Variants in BCAP31 observed in about 807,000 individuals in gnomAD.
BCAP31 encodes the protein B-cell receptor-associated protein 31.
For missense variants in BCAP31, 124 were observed against 193.0 expected (o/e 0.64, Z 2.12); for synonymous variants, 75 against 80.9 (o/e 0.93, Z 0.39).
intron 4 of BCAP31, among the ~76,000 whole-genome samples, chrX:153,713,881 CTT>C (rs1209475410): frequency 7.9e-5 from 5 of 63,499 alleles, no homozygotes; most frequent in Non-Finnish European, 8.3e-5. Context: ...CGATACTATT[CTT>C]TTTTTTTTTT....
intron 2 of BCAP31, among the ~76,000 whole-genome samples, chrX:153,721,736 A>G (rs782130619): frequency 9.3e-6 from 1 of 107,520 alleles, no homozygotes; most frequent in South Asian, 4.1e-4. Context: ...AAAAATATAT[A>G]TATAAAAAAA....
chrX:153,723,514 C>A, intron 1 of BCAP31: 1 of 1,162,159 alleles, frequency 8.6e-7, no homozygotes. Context: ...TTACCTGCCC[C>A]CTCCAGCACG....
chrX:153,710,405 C>A (rs1378102604), intron 4 of BCAP31, among the ~76,000 whole-genome samples: 3 of 111,773 alleles, frequency 2.7e-5, no homozygotes, highest in Admixed American at 9.5e-5. Context: ...CTGAAGACTT[C>A]TGGAGGTTGG....
At chrX:153,702,570 T>A (rs1407388371) in intron 6 of BCAP31, 3 of 182,307 alleles carry the variant, frequency 1.6e-5, no homozygotes, top group Non-Finnish European at 3.0e-5. Context: ...AGCCGCCCAC[T>A]CCCCTCCTGA....
At chrX:153,717,039 C>T (rs563668187) in intron 3 of BCAP31, among the ~76,000 whole-genome samples, 2 of 112,414 alleles carry the variant, frequency 1.8e-5, no homozygotes, top group African/African-American at 6.5e-5. Context: ...TACACTGTTA[C>T]CTGCTTCGTA....
chrX:153,707,697 G>A (rs1557048522), intron 4 of BCAP31, among the ~76,000 whole-genome samples: 1 of 112,504 alleles, frequency 8.9e-6, no homozygotes, highest in African/African-American at 3.2e-5. Flanking sequence ...GCGACCTGAA[G>A]GCACAACCCA....
At chrX:153,708,406 A>T (rs782099648) in intron 4 of BCAP31, among the ~76,000 whole-genome samples, 110 of 112,279 alleles carry the variant, frequency 9.8e-4, no homozygotes, top group Non-Finnish European at 1.8e-3. Context: ...CGACCAAAAG[A>T]TTCCATGCTG....
At chrX:153,709,011 G>A (rs868922784) in intron 4 of BCAP31, among the ~76,000 whole-genome samples, 1 of 112,049 alleles carries the variant, frequency 8.9e-6, no homozygotes, top group African/African-American at 3.2e-5. Flanking sequence ...TGCACTAAGC[G>A]CAGGGCAAAG....
chrX:153,714,661 G>C (rs1557049756), intron 4 of BCAP31, among the ~76,000 whole-genome samples: 1 of 110,873 alleles, frequency 9.0e-6, no homozygotes, highest in East Asian at 2.8e-4. Flanking sequence ...TTGAGTCTCG[G>C]GGCACAAAAC....
At chrX:153,701,557 G>A (rs2091518200) in intron 7 of BCAP31, among the ~76,000 whole-genome samples, 1 of 112,948 alleles carries the variant, frequency 8.9e-6, no homozygotes, top group South Asian at 3.6e-4. Context: ...CAGGCCTAGG[G>A]CAGCAGGTGA....
intron 3 of BCAP31, 134 bp from the exon 4 acceptor site, chrX:153,715,823 T>G (rs2091623294): frequency 1.3e-6 from 1 of 763,541 alleles, no homozygotes. Context: ...TCTTCCCACT[T>G]CTATGCACAT....
chrX:153,703,698 AG>A (rs1394738948), intron 5 of BCAP31, among the ~76,000 whole-genome samples: 2 of 112,271 alleles, frequency 1.8e-5, no homozygotes, highest in Non-Finnish European at 3.8e-5. Context: ...CATTTTTCTC[AG>A]GGAAGGGTCT....
chrX:153,723,459 G>A lies in BCAP31; in HGVS notation c.-44-171C>T. ...GGGCTCCACTCGGCAGGGCCTCTTG[G>A]CCAGCAGCGTTCACAGGCCCCACAA... On this transcript the variant is annotated intron_variant, in intron 1 of 7. Transcript: ENST00000345046. 4.4e-6 allele frequency: 5 copies of A among 1,144,482 alleles called. No individual in the cohort carries two copies. The South Asian group carries it at 7.9e-5, about 18-fold the overall frequency. The allele number at this position is 1,144,482 out of a possible 1,213,427, so 94.3% of individuals were successfully genotyped here.
chrX:153,720,367 C>CT lies in BCAP31; in HGVS notation c.193+504dup, dbSNP rs374189368. On this transcript the variant is annotated intron_variant, in intron 3 of 7. Transcript: ENST00000345046. The stretch of plus-strand genomic sequence containing the variant: ...CCCACGCCCACTGCTAGAGGGGCCT[C>CT]TTTTTTTTTTTTTTGAGATGGAGTC... 5.5e-3 allele frequency among the ~76,000 whole-genome samples: 552 copies of CT among 100,822 alleles called. 1 individual carries two copies. The highest frequency in any genetic ancestry group is 7.7e-3 in the Non-Finnish European group (376 of 49,036). The allele number at this position is 100,822 out of a possible 115,157, so 87.6% of individuals were successfully genotyped here. A position where few individuals can be genotyped will look rare whatever the true frequency, so the allele number is the denominator to read the frequency against.
intron 4 of BCAP31, among the ~76,000 whole-genome samples, 164 bp from the exon 5 acceptor site, chrX:153,704,258 G>A (rs2091539186): frequency 8.9e-6 from 1 of 112,488 alleles, no homozygotes; most frequent in South Asian, 3.7e-4. Flanking sequence ...GGCAGCGTGA[G>A]GGAAAAGGTG....
chrX:153,711,661 T>A (rs1484785476), intron 4 of BCAP31, among the ~76,000 whole-genome samples: 1 of 111,579 alleles, frequency 9.0e-6, no homozygotes, highest in Middle Eastern at 4.2e-3. Flanking sequence ...CCCAGCACTT[T>A]GGGAGGCCGA....
At chrX:153,702,179 T>C (rs1167610028) in intron 6 of BCAP31, 72 bp from the exon 7 acceptor site, 59 of 913,100 alleles carry the variant, frequency 6.5e-5, no homozygotes, top group Non-Finnish European at 8.8e-5. Flanking sequence ...ACCCGACTGC[T>C]ACAGACACCA....
intron 3 of BCAP31, among the ~76,000 whole-genome samples, chrX:153,720,427 C>T (rs1356319025): frequency 3.7e-5 from 4 of 107,412 alleles, no homozygotes; most frequent in Admixed American, 2.0e-4. Context: ...TGCAATGGTG[C>T]GATTTAGGCT....
intron 4 of BCAP31, among the ~76,000 whole-genome samples, chrX:153,711,976 G>C (rs1346705686): frequency 1.8e-5 from 2 of 110,349 alleles, no homozygotes; most frequent in African/African-American, 6.6e-5. Flanking sequence ...AAAAGAAAGA[G>C]ACAGATAATA....
Sources: allele counts gnomAD v4.1 joint callset (sites outside exome capture counted in the v4.1 genomes callset), GRCh38; gene constraint gnomAD v4.1.1; transcripts MANE v1.5; gene names NCBI Gene and HGNC (gene_info 2026-07-23, HGNC 2026-07-21).